The following SORCS1 variants were observed in gnomAD, a reference collection of about 807,000 sequenced individuals.
SORCS1 encodes the protein sortilin related VPS10 domain containing receptor 1.
A neutral mutation model predicts 146.1 loss-of-function variants in SORCS1; 60 were observed. The ratio of observed to expected loss-of-function variants is 0.41; its 90% CI spans 0.33 to 0.51. The LOEUF is 0.51. Among genes scored for constraint, SORCS1 ranks in the 20% least tolerant of loss-of-function variants. The pLI, the probability that SORCS1 is intolerant of heterozygous loss-of-function variation, is 0.21. For synonymous variants in SORCS1, 637 were observed against 584.0 expected (o/e 1.09, Z -1.31); for missense variants, 1,352 against 1,487.6 (o/e 0.91, Z 1.50).
At chr10:107,005,914 A>T (rs1957423319) in intron 1 of SORCS1, among the ~76,000 whole-genome samples, 1 of 152,190 alleles carries the variant, frequency 6.6e-6, no homozygotes, top group Non-Finnish European at 1.5e-5. Context: ...TTCAATTTCT[A>T]TACCACCATG....
chr10:106,806,429 T>TAAA (rs1278495622), intron 3 of SORCS1, among the ~76,000 whole-genome samples: 1 of 140,558 alleles, frequency 7.1e-6, no homozygotes, highest in Non-Finnish European at 1.5e-5. Context: ...TAAAATAAAA[T>TAAA]AATCATGGAG....
At chr10:107,001,262 T>C (rs1957205375) in intron 1 of SORCS1, among the ~76,000 whole-genome samples, 1 of 152,132 alleles carries the variant, frequency 6.6e-6, no homozygotes, top group Non-Finnish European at 1.5e-5. Context: ...TGGTGCCAGA[T>C]GTAAAGGTCT....
At chr10:106,655,237 GAGAA>G (rs1850196123) in intron 17 of SORCS1, among the ~76,000 whole-genome samples, 1 of 152,136 alleles carries the variant, frequency 6.6e-6, no homozygotes, top group Admixed American at 6.6e-5. Context: ...AGGTGAGAGA[GAGAA>G]GGAAATAAAA....
chr10:107,126,717 A>T (rs1166381196), intron 1 of SORCS1, among the ~76,000 whole-genome samples: 2 of 152,084 alleles, frequency 1.3e-5, no homozygotes, highest in African/African-American at 4.8e-5. Context: ...ACTTCTTTTG[A>T]TGGATGTGGA....
At chr10:106,579,550 T>G (rs1844780912) in intron 24 of SORCS1, 76 bp from the exon 25 acceptor site, 1 of 1,445,690 alleles carries the variant, frequency 6.9e-7, no homozygotes, top group African/African-American at 1.4e-5. Flanking sequence ...CTCAAATGTT[T>G]CACACACAAG....
At chr10:106,976,278 A>G (rs1955997529) in intron 1 of SORCS1, among the ~76,000 whole-genome samples, 1 of 149,378 alleles carries the variant, frequency 6.7e-6, no homozygotes, top group African/African-American at 2.5e-5. Flanking sequence ...CTACATAGGT[A>G]TATATGTGCC....
intron 1 of SORCS1, among the ~76,000 whole-genome samples, chr10:107,139,318 A>C (rs1967601465): frequency 6.6e-6 from 1 of 152,190 alleles, no homozygotes; most frequent in Non-Finnish European, 1.5e-5. Context: ...TGTTGATATA[A>C]GATTGGCTTA....
chr10:106,761,397 C>A (rs1859098448), intron 5 of SORCS1, among the ~76,000 whole-genome samples, 191 bp downstream of exon 5: 1 of 152,292 alleles, frequency 6.6e-6, no homozygotes, highest in South Asian at 2.1e-4. Flanking sequence ...GACTGTGACA[C>A]ATTTTTTAAC....
chr10:106,838,634 C>T (rs932580537), intron 2 of SORCS1, among the ~76,000 whole-genome samples: 1 of 152,186 alleles, frequency 6.6e-6, no homozygotes, highest in Non-Finnish European at 1.5e-5. Flanking sequence ...GATCCATTTA[C>T]CCTCTCCATA....
chr10:107,099,372 C>T (rs1468254358), intron 1 of SORCS1, among the ~76,000 whole-genome samples: 1 of 152,028 alleles, frequency 6.6e-6, no homozygotes, highest in Non-Finnish European at 1.5e-5. Context: ...AATATGTGAC[C>T]CTTTCCATGA....
Position 106,780,491 on chromosome 10 carries a change from C to T in SORCS1, c.727-3799G>A, listed in dbSNP as rs140103283. ...AAGTAAGCTCTCCAAAAAGAGAGGTCATTGTCTGCCAGGATCAAAGCTTGT... is the reference window on the plus strand; with the variant it reads ...AAGTAAGCTCTCCAAAAAGAGAGGTTATTGTCTGCCAGGATCAAAGCTTGT... On this transcript the variant is annotated intron_variant, in intron 3 of 25. Coordinates refer to ENST00000263054, the MANE Select transcript of SORCS1 (RefSeq NM_052918.5). Among the ~76,000 whole-genome samples, 252 of 152,300 alleles carry T rather than the reference C, an allele frequency of 1.7e-3. 3 individuals carry two copies. Among genetic ancestry groups the T allele is most frequent in the African/African-American group, 5.9e-3 (247 of 41,564 alleles).
At chr10:106,640,462 C>T (rs562996088) in intron 18 of SORCS1, among the ~76,000 whole-genome samples, 1 of 152,188 alleles carries the variant, frequency 6.6e-6, no homozygotes, top group South Asian at 2.1e-4. Context: ...CGTCCCTAGC[C>T]TCAGATTTAA....
chr10:107,029,487 G>A (rs1958554653), intron 1 of SORCS1, among the ~76,000 whole-genome samples: 2 of 152,140 alleles, frequency 1.3e-5, no homozygotes, highest in Admixed American at 6.5e-5. Flanking sequence ...CATAACCACA[G>A]TGTGTAGCAA....
intron 1 of SORCS1, among the ~76,000 whole-genome samples, chr10:107,128,939 G>T (rs935050769): frequency 2.6e-5 from 4 of 152,142 alleles, no homozygotes; most frequent in Non-Finnish European, 5.9e-5. Flanking sequence ...TTAATAAGAG[G>T]TCTGCCTAAA....
At chr10:106,957,334 C>T (rs910156866) in intron 1 of SORCS1, among the ~76,000 whole-genome samples, 6 of 151,760 alleles carry the variant, frequency 4.0e-5, no homozygotes, top group Middle Eastern at 6.8e-3. Context: ...CCACCACGCC[C>T]GGCTAATTTT....
chr10:106,962,197 C>A (rs1295208311), intron 1 of SORCS1, among the ~76,000 whole-genome samples: 1 of 151,560 alleles, frequency 6.6e-6, no homozygotes. Context: ...GTCGGGAGTT[C>A]AAGACCAGCC....
At chr10:106,882,818 G>A (rs752663107) in intron 2 of SORCS1, among the ~76,000 whole-genome samples, 24 of 152,222 alleles carry the variant, frequency 1.6e-4, no homozygotes, top group South Asian at 2.1e-4. Context: ...GGATGGAGAC[G>A]CAGCACAGGC....
intron 1 of SORCS1, among the ~76,000 whole-genome samples, chr10:107,113,373 T>A (rs897310557): frequency 6.6e-6 from 1 of 151,976 alleles, no homozygotes; most frequent in African/African-American, 2.4e-5. Context: ...GAGAACTATA[T>A]AGTGATAAAT....
chr10:107,055,172 A>AT (rs1960489632), intron 1 of SORCS1, among the ~76,000 whole-genome samples: 1 of 152,170 alleles, frequency 6.6e-6, no homozygotes, highest in Admixed American at 6.5e-5. Flanking sequence ...AGCACACCAC[A>AT]TCACCTTCCT....
Sources: allele counts gnomAD v4.1 joint callset (sites outside exome capture counted in the v4.1 genomes callset), GRCh38; gene constraint gnomAD v4.1.1; transcripts MANE v1.5; gene names NCBI Gene and HGNC (gene_info 2026-07-23, HGNC 2026-07-21).